CRYBB2: variants seen among roughly 807,000 people sequenced by gnomAD.
CRYBB2 encodes crystallin beta B2, also known as beta-crystallin B2.
CRYBB2 carries 12 observed loss-of-function variants against 24.3 expected under a neutral mutation model. That is an observed-to-expected ratio of 0.49 (90% CI 0.32 to 0.80). The LOEUF (loss-of-function observed/expected upper bound fraction) is 0.80, where lower values mean the gene tolerates loss of function less well. CRYBB2 is among the 30% of genes least tolerant of loss of function. CRYBB2 has a pLI of 0.04. For missense variants in CRYBB2, 198 were observed against 268.5 expected (o/e 0.74, Z 1.83); for synonymous variants, 98 against 101.6 (o/e 0.96, Z 0.21).
Position 25,227,857 on chromosome 22 carries a change from G to A in CRYBB2, c.178G>A (p.Val60Met), listed in dbSNP as rs1335076611. ...GSVLVQAGPW[V>M]GYEQANCKGE... ...TTCTCTCTGTCTCCATGGCAGCTGG[G>A]TGGGCTATGAACAGGCCAACTGCAA... The change falls in exon 4 of 6, where the codon GTG becomes ATG. Residue 60 changes from valine to methionine, a missense_variant. Physicochemically the swap from Val to Met is conservative, Grantham distance 21. Transcript: ENST00000398215. 1 of 1,614,146 alleles carries A rather than the reference G, an allele frequency of 6.2e-7. No individual in the cohort carries two copies. Among genetic ancestry groups the A allele is most frequent in the South Asian group, 1.1e-5 (1 of 91,086 alleles).
At chr22:25,229,790 G>A (rs1490834969) in intron 5 of CRYBB2, among the ~76,000 whole-genome samples, 1 of 152,072 alleles carries the variant, frequency 6.6e-6, no homozygotes, top group African/African-American at 2.4e-5. Flanking sequence ...TTGGGGAAAT[G>A]GTATGCCTTT....
At chr22:25,224,806 A>G in intron 2 of CRYBB2, 112 bp from the exon 3 acceptor site, 1 of 779,184 alleles carries the variant, frequency 1.3e-6, no homozygotes, top group Non-Finnish European at 2.4e-6. Flanking sequence ...GTCACTCTGG[A>G]GGTGAACCCT....
chr22:25,217,767 T>C (rs1472422065), upstream of CRYBB2, among the ~76,000 whole-genome samples: 2 of 152,006 alleles, frequency 1.3e-5, no homozygotes, highest in Non-Finnish European at 2.9e-5. Context: ...GAATGTTGGG[T>C]AGTGATGAGT....
In CRYBB2 at chr22:25,231,572, C is replaced by G. The variant is rs137852878; in HGVS notation, c.450-32C>G. 1.1e-4 allele frequency: 171 copies of G among 1,609,692 alleles called. 1 individual carries two copies. The highest frequency in any genetic ancestry group is 4.6e-4 in the South Asian group (42 of 90,972). ...TGTCTGCTTCTCTTCCTGTCCCCCT[C>G]GTTCACCCTCCCATCACCTCTGGCC... On this transcript the variant is annotated intron_variant, in intron 5 of 5. Transcript: ENST00000398215.
Position 25,229,416 on chromosome 22 carries a change from C to A in CRYBB2, c.307-20C>A. The A allele has an allele frequency of 1.3e-6, 2 of 1,595,142 alleles. No individual in the cohort carries two copies. The highest frequency in any genetic ancestry group is 1.7e-6 in the Non-Finnish European group (2 of 1,170,952). On this transcript the variant is annotated intron_variant, in intron 4 of 5. Coordinates refer to ENST00000398215, the MANE Select transcript of CRYBB2 (RefSeq NM_000496.3). ...GGGCCCCCTCACCCATACTCACTTCCCCCCATCCTCTGCCAATAGGACAGC... is the reference window on the plus strand; with the variant it reads ...GGGCCCCCTCACCCATACTCACTTCACCCCATCCTCTGCCAATAGGACAGC...
At chr22:25,218,426 G>A (rs1315117174), upstream of CRYBB2, among the ~76,000 whole-genome samples, 2 of 151,802 alleles carry the variant, frequency 1.3e-5, no homozygotes, top group African/African-American at 4.8e-5. Flanking sequence ...GGAGGCCAAG[G>A]TGGATGGATT....
Position 25,229,027 on chromosome 22 carries a change from TGTGC to T in CRYBB2, c.307-401_307-398del, listed in dbSNP as rs1422413243. On this transcript the variant is annotated intron_variant, in intron 4 of 5. Transcript: ENST00000398215. Reference sequence around the variant, plus strand: ...GTGTGCAAGTGTGGGTGTGCACGTGTGTGCGTGCGTGTGTGCAAGTGTGGTGTGC... The same window carrying T: ...GTGTGCAAGTGTGGGTGTGCACGTGTGTGCGTGTGTGCAAGTGTGGTGTGC... Among the ~76,000 whole-genome samples, 12 of 146,362 alleles carry T rather than the reference TGTGC, an allele frequency of 8.2e-5. 1 individual carries two copies. Among genetic ancestry groups the T allele is most frequent in the South Asian group, 4.3e-4 (2 of 4,628 alleles).
At chr22:25,222,726 T>C (rs1935342593) in intron 2 of CRYBB2, among the ~76,000 whole-genome samples, 1 of 152,186 alleles carries the variant, frequency 6.6e-6, no homozygotes, top group Non-Finnish European at 1.5e-5. Context: ...GCCACATAGG[T>C]AATGCAAAAT....
chr22:25,216,900 T>C (rs1004115507), upstream of CRYBB2, among the ~76,000 whole-genome samples: 14 of 152,350 alleles, frequency 9.2e-5, no homozygotes, highest in African/African-American at 3.1e-4. Context: ...TGTGTCTGGT[T>C]TATTTCACTT....
upstream of CRYBB2, among the ~76,000 whole-genome samples, chr22:25,216,602 T>G (rs1249421336): frequency 6.6e-6 from 1 of 152,136 alleles, no homozygotes; most frequent in Non-Finnish European, 1.5e-5. Flanking sequence ...ACAATAAACT[T>G]CTGGGGTTTT....
At chr22:25,224,726 G>C (rs1935382246) in intron 2 of CRYBB2, among the ~76,000 whole-genome samples, 192 bp from the exon 3 acceptor site, 1 of 152,180 alleles carries the variant, frequency 6.6e-6, no homozygotes, top group South Asian at 2.1e-4. Context: ...TCAGAGAGGA[G>C]AAATGCAGGC....
At chr22:25,218,718 G>A (rs1170338646), upstream of CRYBB2, among the ~76,000 whole-genome samples, 4 of 65,412 alleles carry the variant, frequency 6.1e-5, no homozygotes, top group Non-Finnish European at 1.1e-4. Flanking sequence ...GAGAGAGAGA[G>A]AGAGAGAGAG....
intron 4 of CRYBB2, among the ~76,000 whole-genome samples, chr22:25,229,047 TGTG>T (rs201864968): frequency 0.011 from 1,580 of 143,518 alleles, 25 homozygotes; most frequent in African/African-American, 0.038. Flanking sequence ...TGTGTGCAAG[TGTG>T]GTGTGCGTGT....
chr22:25,227,386 G>A (rs1180663544), intron 3 of CRYBB2, among the ~76,000 whole-genome samples: 2 of 152,112 alleles, frequency 1.3e-5, no homozygotes, highest in East Asian at 1.9e-4. Flanking sequence ...CAGTGGTGAA[G>A]GCTGACTGTG....
intron 5 of CRYBB2, 83 bp from the exon 6 acceptor site, chr22:25,231,521 T>C (rs1935531387): frequency 1.9e-5 from 26 of 1,359,828 alleles, no homozygotes; most frequent in Non-Finnish European, 2.7e-5. Context: ...ATGGATGCTC[T>C]ATCTCTCTCC....
At chr22:25,215,261 A>G (rs1935154470), upstream of CRYBB2, among the ~76,000 whole-genome samples, 1 of 152,266 alleles carries the variant, frequency 6.6e-6, no homozygotes, top group African/African-American at 2.4e-5. Flanking sequence ...CATGGTGGAA[A>G]ATCACTTAAA....
intron 1 of CRYBB2, among the ~76,000 whole-genome samples, chr22:25,220,826 G>T (rs1046579494): frequency 6.6e-6 from 1 of 152,174 alleles, no homozygotes; most frequent in Non-Finnish European, 1.5e-5. Context: ...TTCTTGTAAT[G>T]TGGGTTCTGT....
upstream of CRYBB2, among the ~76,000 whole-genome samples, chr22:25,217,985 C>T (rs887689247): frequency 4.6e-5 from 7 of 152,044 alleles, no homozygotes; most frequent in East Asian, 1.9e-4. Flanking sequence ...AAAGGCCGGG[C>T]GCGGTGGCTC....
chr22:25,218,860 AG>A (rs1935273341), upstream of CRYBB2, among the ~76,000 whole-genome samples: 1 of 150,208 alleles, frequency 6.7e-6, no homozygotes, highest in South Asian at 2.1e-4. Flanking sequence ...AAGAAAGAAA[AG>A]AAAGAGAAAC....
Sources: allele counts gnomAD v4.1 joint callset (sites outside exome capture counted in the v4.1 genomes callset), GRCh38; gene constraint gnomAD v4.1.1; transcripts MANE v1.5; gene names NCBI Gene and HGNC (gene_info 2026-07-23, HGNC 2026-07-21).